The following PRKG2 variants were observed in gnomAD, a reference collection of about 807,000 sequenced individuals.
PRKG2 encodes cGMP-dependent protein kinase 2.
In PRKG2, 33 loss-of-function variants were observed where a neutral mutation model predicts 97.2. The observed-to-expected ratio is 0.34, with a 90% CI of 0.26 to 0.45. The LOEUF (loss-of-function observed/expected upper bound fraction) is 0.45, where lower values mean the gene tolerates loss of function less well. Among genes scored for constraint, PRKG2 ranks in the 20% least tolerant of loss-of-function variants. The probability of loss-of-function intolerance (pLI) is 1.00; values close to 1 mark genes in which losing one functional copy is unlikely to be tolerated. For missense variants in PRKG2, 638 were observed against 900.0 expected (o/e 0.71, Z 3.73); for synonymous variants, 330 against 321.8 (o/e 1.03, Z -0.27).
chr4:81,191,170 C>T (rs1371417448), intron 2 of PRKG2, among the ~76,000 whole-genome samples: 1 of 152,114 alleles, frequency 6.6e-6, no homozygotes, highest in Non-Finnish European at 1.5e-5. Context: ...ATAGCAAAGA[C>T]TTGGAACCAA....
chr4:81,130,134 T>G (rs989479944), intron 14 of PRKG2, among the ~76,000 whole-genome samples: 1 of 152,188 alleles, frequency 6.6e-6, no homozygotes, highest in Non-Finnish European at 1.5e-5. Context: ...TTACATGGAT[T>G]TATCTACCTT....
chr4:81,137,464 C>T lies in PRKG2; in HGVS notation c.1563G>A (p.Lys521=). Reference sequence around the variant, plus strand: ...GAAGCATGTATACATACTTATTGTCCTTGAAAGTACGATATAATCTGTGAA... The same window carrying T: ...GAAGCATGTATACATACTTATTGTCTTTGAAAGTACGATATAATCTGTGAA... ...PFIVKLYRTF[K]DNKYVYMLLE... The change falls in exon 13 of 19, where the codon AAG becomes AAA. Residue 521 remains lysine (K), a synonymous_variant. Transcript: ENST00000264399. The T allele has an allele frequency of 6.2e-7, 1 of 1,610,842 alleles. No homozygotes were observed.
chr4:81,098,689 TA>T (rs1742381972), intron 17 of PRKG2, among the ~76,000 whole-genome samples: 1 of 152,158 alleles, frequency 6.6e-6, no homozygotes. Flanking sequence ...GGGCCATCGA[TA>T]AAGTCATCAG....
intron 17 of PRKG2, among the ~76,000 whole-genome samples, chr4:81,102,242 G>A (rs2109963910): frequency 6.6e-6 from 1 of 152,286 alleles, no homozygotes; most frequent in African/African-American, 2.4e-5. Context: ...ATTTGCATGT[G>A]CATCTAATGA....
At chr4:81,148,760 C>T in intron 9 of PRKG2, 124 bp downstream of exon 9, 1 of 834,080 alleles carries the variant, frequency 1.2e-6, no homozygotes, top group East Asian at 2.4e-5. Context: ...AATGTACTTG[C>T]AGCTGAGATC....
intron 14 of PRKG2, among the ~76,000 whole-genome samples, chr4:81,126,122 G>A (rs915894826): frequency 6.6e-6 from 1 of 152,186 alleles, no homozygotes; most frequent in Admixed American, 6.5e-5. Context: ...GGGAGAACAT[G>A]CAGTGTTTGG....
rs1318863613 is a variant in PRKG2, at chr4:81,154,524, G to GGCCT, written c.913-804_913-803insAGGC. Among the ~76,000 whole-genome samples the GGCCT allele has an allele frequency of 2.2e-3, 311 of 141,380 alleles. 7 individuals are homozygous for GGCCT. The highest frequency in any genetic ancestry group is 8.4e-3 in the African/African-American group (275 of 32,586). The allele number at this position is 141,380 out of a possible 152,430, so 92.8% of individuals were successfully genotyped here. ...GCAGGGGCACACTGACACCTCACAC[G>GGCCT]GCAGGGTACTCCAACAGACCTGCAG... On this transcript the variant is annotated intron_variant, in intron 6 of 18. Transcript: ENST00000264399.
intron 14 of PRKG2, among the ~76,000 whole-genome samples, chr4:81,120,327 G>T (rs1179224150): frequency 6.6e-6 from 1 of 152,170 alleles, no homozygotes; most frequent in Non-Finnish European, 1.5e-5. Flanking sequence ...AATCTGCTGT[G>T]ATTCTGGGGC....
intron 14 of PRKG2, among the ~76,000 whole-genome samples, chr4:81,124,449 A>T (rs1302356905): frequency 6.6e-6 from 1 of 152,206 alleles, no homozygotes; most frequent in Non-Finnish European, 1.5e-5. Context: ...GGCCCTGTGT[A>T]GCCAACAGAA....
rs1741383773 is a variant in PRKG2 at position 81,089,936 on chromosome 4, A to T, written c.2194-133T>A. On this transcript the variant is annotated intron_variant, in intron 18 of 18. Transcript: ENST00000264399. ...CTTGGAAGTTACATACAAGAAAAAA[A>T]TGACCAATTATCATTCTTGAGTCCT... The T allele has an allele frequency of 5.8e-6, 4 of 687,454 alleles. No homozygotes were observed. The East Asian group carries it at 8.2e-5, about 14-fold the overall frequency. The allele number at this position is 687,454 out of a possible 1,614,324, so 42.6% of individuals were successfully genotyped here.
intron 1 of PRKG2, among the ~76,000 whole-genome samples, chr4:81,207,953 A>T (rs1407794868): frequency 6.6e-6 from 1 of 152,176 alleles, no homozygotes; most frequent in Non-Finnish European, 1.5e-5. Flanking sequence ...ATGTATTGCT[A>T]GCCACAAGGA....
At chr4:81,116,189 C>T (rs934429774) in intron 14 of PRKG2, among the ~76,000 whole-genome samples, 1 of 152,118 alleles carries the variant, frequency 6.6e-6, no homozygotes, top group Non-Finnish European at 1.5e-5. Flanking sequence ...TCCTGCTATC[C>T]TCCACCCTCA....
At chr4:81,110,338 G>T in intron 15 of PRKG2, 110 bp downstream of exon 15, 1 of 1,201,222 alleles carries the variant, frequency 8.3e-7, no homozygotes, top group Non-Finnish European at 1.1e-6. Context: ...ATACTTAATC[G>T]AAAACATTTT....
In PRKG2 at chr4:81,087,426, A is replaced by G. The variant is rs1741211727; in HGVS notation, c.*2282T>C. On this transcript the variant is annotated 3_prime_UTR_variant, in exon 19 of 19. Coordinates refer to ENST00000264399, the MANE Select transcript of PRKG2 (RefSeq NM_006259.3). ...GATTTAAAAGAAAAAAAAGACAGAT[A>G]CTGGATTTGATAAGTACAATTCTGC... The G allele has an allele frequency of 6.6e-6, 1 of 152,108 alleles. No homozygotes were observed. The highest frequency in any genetic ancestry group is 2.1e-4 in the South Asian group (1 of 4,828). The allele number at this position is 152,108 out of a possible 1,614,324, so 9.4% of individuals were successfully genotyped here.
At chr4:81,106,304 A>G (rs1743330749) in intron 15 of PRKG2, among the ~76,000 whole-genome samples, 1 of 152,214 alleles carries the variant, frequency 6.6e-6, no homozygotes. Flanking sequence ...AAGTGAATGC[A>G]CCGCACCACT....
chr4:81,126,677 T>G (rs958940010), intron 14 of PRKG2, among the ~76,000 whole-genome samples: 2 of 152,256 alleles, frequency 1.3e-5, no homozygotes. Context: ...AATGTCTTCT[T>G]TTGAGAAGCG....
chr4:81,209,028 AT>A (rs1753831543), intron 1 of PRKG2, among the ~76,000 whole-genome samples: 1 of 152,312 alleles, frequency 6.6e-6, no homozygotes, highest in Non-Finnish European at 1.5e-5. Flanking sequence ...TCTGGAGGCA[AT>A]ACTCTTCTGC....
At chr4:81,151,117 T>A (rs1476393753) in intron 8 of PRKG2, among the ~76,000 whole-genome samples, 1 of 152,116 alleles carries the variant, frequency 6.6e-6, no homozygotes. Context: ...AATTGGGGTT[T>A]CATAGGCAAA....
intron 2 of PRKG2, among the ~76,000 whole-genome samples, chr4:81,179,875 C>T (rs1234288724): frequency 6.6e-6 from 1 of 151,980 alleles, no homozygotes; most frequent in African/African-American, 2.4e-5. Flanking sequence ...GGCGCAGTAG[C>T]TCATGCTTGT....
Sources: allele counts gnomAD v4.1 joint callset (sites outside exome capture counted in the v4.1 genomes callset), GRCh38; gene constraint gnomAD v4.1.1; transcripts MANE v1.5; gene names NCBI Gene and HGNC (gene_info 2026-07-23, HGNC 2026-07-21).